The following WSCD1 variants were observed in gnomAD, a reference collection of about 807,000 sequenced individuals.
WSCD1 encodes the protein WSC domain sialate O sulfotransferase 1.
WSCD1 carries 41 observed loss-of-function variants against 60.4 expected under a neutral mutation model. The ratio of observed to expected loss-of-function variants is 0.68; its 90% CI spans 0.53 to 0.88. The LOEUF is 0.88. Among genes scored for constraint, WSCD1 ranks in the 40% least tolerant of loss-of-function variants. The pLI is 0.00. For missense variants in WSCD1, 784 were observed against 796.2 expected (o/e 0.98, Z 0.18); for synonymous variants, 361 against 332.5 (o/e 1.09, Z -0.93).
At position 6,081,090 on chromosome 17, in the gene WSCD1, G is replaced by A. The variant is rs533210160; in HGVS notation, c.427+5G>A. 122 of 1,531,622 alleles carry A rather than the reference G, an allele frequency of 8.0e-5. No individual in the cohort carries two copies. In the East Asian group the frequency reaches 2.0e-3, roughly 26 times the overall value. 94.9% of individuals were successfully genotyped at this position (1,531,622 alleles called of 1,614,324 possible). ...GGCCCGCCATCCACAGCCGAGGTAGGCGCTCAGCTGCATTTGGGGGAGCTG... is the reference window on the plus strand; with the variant it reads ...GGCCCGCCATCCACAGCCGAGGTAGACGCTCAGCTGCATTTGGGGGAGCTG... On this transcript the variant is annotated splice_donor_5th_base_variant and intron_variant, in intron 2 of 8. Coordinates refer to ENST00000317744, the MANE Select transcript of WSCD1 (RefSeq NM_015253.2).
chr17:6,110,509 G>T lies in WSCD1; in HGVS notation c.1010-262G>T, dbSNP rs1296300099. 2.0e-5 allele frequency among the ~76,000 whole-genome samples: 3 copies of T among 152,218 alleles called. No homozygotes were observed. Among genetic ancestry groups the T allele is most frequent in the Non-Finnish European group, 4.4e-5 (3 of 68,034 alleles). ...GGCTGTGGCCATAGAGACAGAATGG[G>T]AGTCGAGGGTCCATAGGGTGTCTGA... is the stretch of plus-strand genomic sequence containing the variant. On this transcript the variant is annotated intron_variant, in intron 6 of 8. Transcript: ENST00000317744. This position sits in a 1 kb window ranked among gnomAD's most constrained non-coding sequence, Gnocchi z 4.8.
Position 6,081,027 on chromosome 17 carries a change from C to T in WSCD1, c.369C>T (p.Asp123=), listed in dbSNP as rs1909230266. The T allele has an allele frequency of 6.5e-6, 10 of 1,543,340 alleles. No individual in the cohort carries two copies. In the East Asian group the frequency reaches 1.7e-4, roughly 26 times the overall value. The stretch of plus-strand genomic sequence containing the variant: ...GCTGGTTCCACCACTTCATGAGTGA[C>T]TCCCAGGGACCGCCCGCCCTGGGCC... ...RRRWFHHFMS[D]SQGPPALGPE... is the part of the protein sequence containing the mutation. The change falls in exon 2 of 9, where the codon GAC becomes GAT. Residue 123 remains aspartate (D), a synonymous_variant. Coordinates refer to ENST00000317744, the MANE Select transcript of WSCD1 (RefSeq NM_015253.2).
At chr17:6,100,076 G>A (rs1233161933) in intron 5 of WSCD1, among the ~76,000 whole-genome samples, 17 of 152,278 alleles carry the variant, frequency 1.1e-4, no homozygotes, top group Admixed American at 1.1e-3. Flanking sequence ...GCTGCAGGTA[G>A]GATGTTCTGG....
At chr17:6,094,955 T>G (rs1910322882) in intron 4 of WSCD1, 147 bp from the exon 5 acceptor site, 1 of 1,231,802 alleles carries the variant, frequency 8.1e-7, no homozygotes, top group South Asian at 1.5e-5. Context: ...CTATGTCCCA[T>G]GCAGGGCCGT....
chr17:6,071,534 C>T (rs1908545084), intron 1 of WSCD1, among the ~76,000 whole-genome samples: 1 of 152,366 alleles, frequency 6.6e-6, no homozygotes, highest in East Asian at 1.9e-4. Context: ...ATGCAGGACT[C>T]CGCTGTACTT....
At position 6,099,930 on chromosome 17, in the gene WSCD1, T is replaced by C. The variant is rs1910698312; in HGVS notation, c.849+4707T>C. 2.0e-5 allele frequency among the ~76,000 whole-genome samples: 3 copies of C among 152,220 alleles called. 1 individual carries two copies. In the South Asian group the frequency reaches 6.2e-4, roughly 32 times the overall value. On this transcript the variant is annotated intron_variant, in intron 5 of 8. Coordinates refer to ENST00000317744, the MANE Select transcript of WSCD1 (RefSeq NM_015253.2). ...CTTAAAATCACCCCACATGTGTCCA[T>C]GTCTAAACCGGCACGAGACCAAGAA... is the stretch of plus-strand genomic sequence containing the variant.
At chr17:6,099,101 T>C (rs1406154928) in intron 5 of WSCD1, among the ~76,000 whole-genome samples, 1 of 151,960 alleles carries the variant, frequency 6.6e-6, no homozygotes, top group African/African-American at 2.4e-5. Flanking sequence ...GGGTACAAAT[T>C]GCAGAGGGCT....
Position 6,123,735 on chromosome 17 carries a change from A to G in WSCD1, c.*3074A>G, listed in dbSNP as rs1000979789. 5.3e-5 allele frequency: 8 copies of G among 152,176 alleles called. No homozygotes were observed. The highest frequency in any genetic ancestry group is 1.4e-4 in the African/African-American group (6 of 41,434). 9.4% of individuals were successfully genotyped at this position (152,176 alleles called of 1,614,324 possible). On this transcript the variant is annotated 3_prime_UTR_variant, in exon 9 of 9. Coordinates refer to ENST00000317744, the MANE Select transcript of WSCD1 (RefSeq NM_015253.2). ...GGGGTTCATTTCACTATAGGGAGAA[A>G]TTGATTCGTCTGACTTCCTATTTAT...
At chr17:6,074,336 T>G (rs1325405629) in intron 1 of WSCD1, among the ~76,000 whole-genome samples, 1 of 152,228 alleles carries the variant, frequency 6.6e-6, no homozygotes, top group Non-Finnish European at 1.5e-5. Flanking sequence ...TCTCTTGCTT[T>G]TTCTCAGTCT....
chr17:6,106,886 C>G (rs11078607), intron 5 of WSCD1, among the ~76,000 whole-genome samples: 100,054 of 151,934 alleles, frequency 0.66, 34,445 homozygotes, highest in East Asian at 0.88. Flanking sequence ...GGGGGAACAG[C>G]AAGTGCAAAG....
intron 7 of WSCD1, among the ~76,000 whole-genome samples, chr17:6,114,541 C>T (rs981993132): frequency 3.3e-5 from 5 of 151,926 alleles, no homozygotes; most frequent in African/African-American, 1.2e-4. Context: ...ATGTTTGAGG[C>T]GATGGATATC....
At chr17:6,094,614 G>A (rs1910280376) in intron 4 of WSCD1, among the ~76,000 whole-genome samples, 2 of 149,458 alleles carry the variant, frequency 1.3e-5, no homozygotes. Context: ...GAAGGAGAAG[G>A]AAGGAAGGAA....
intron 1 of WSCD1, among the ~76,000 whole-genome samples, chr17:6,072,341 A>G (rs911681566): frequency 3.3e-5 from 5 of 152,218 alleles, no homozygotes; most frequent in Non-Finnish European, 5.9e-5. Flanking sequence ...GCACTGGGGA[A>G]TGAGTCACAG....
In WSCD1 at chr17:6,120,385, G is replaced by A; in HGVS notation, c.1452G>A (p.Arg484=). 1 of 1,614,074 alleles carries A rather than the reference G, an allele frequency of 6.2e-7. No individual in the cohort carries two copies. The highest frequency in any genetic ancestry group is 8.5e-7 in the Non-Finnish European group (1 of 1,180,018). Residue 484 remains arginine, a synonymous_variant, in exon 9 of 9, where the codon CGG becomes CGA. Transcript: ENST00000317744. The part of the protein sequence containing the change: ...HVLDWLKYGK[R]LLVVHYEELR... ...TGGACTGGCTCAAGTACGGGAAGCG[G>A]CTGCTGGTGGTGCACTACGAGGAGC... is the stretch of plus-strand genomic sequence containing the variant.
At position 6,120,382 on chromosome 17, in the gene WSCD1, G is replaced by A. The variant is rs774892013; in HGVS notation, c.1449G>A (p.Lys483=). The change falls in exon 9 of 9, where the codon AAG becomes AAA. Residue 483 remains lysine (K), a synonymous_variant. Coordinates refer to ENST00000317744, the MANE Select transcript of WSCD1 (RefSeq NM_015253.2). ...TCCTGGACTGGCTCAAGTACGGGAA[G>A]CGGCTGCTGGTGGTGCACTACGAGG... ...SHVLDWLKYG[K]RLLVVHYEEL... The A allele has an allele frequency of 1.5e-5, 25 of 1,613,934 alleles. No individual in the cohort carries two copies. The Admixed American group carries it at 3.5e-4, about 23-fold the overall frequency.
upstream of WSCD1, chr17:6,069,390 CGTGTGTGTGT>C (rs771018197): frequency 6.6e-5 from 22 of 335,668 alleles, no homozygotes; most frequent in African/African-American, 2.1e-4. Context: ...CACCTCGGTG[CGTGTGTGTGT>C]GTGTGTGTGT....
At chr17:6,085,033 G>C (rs932450991) in intron 2 of WSCD1, 5 of 152,198 alleles carry the variant, frequency 3.3e-5, no homozygotes, top group Non-Finnish European at 1.5e-5. Context: ...CCTGTTTCCA[G>C]AAGAACCAGA....
intron 5 of WSCD1, among the ~76,000 whole-genome samples, chr17:6,099,546 T>A (rs550793701): frequency 1.2e-4 from 18 of 151,504 alleles, no homozygotes; most frequent in Non-Finnish European, 2.4e-4. Flanking sequence ...GCAACTGGGT[T>A]CACTCAATAT....
intron 1 of WSCD1, among the ~76,000 whole-genome samples, chr17:6,077,078 G>C: frequency 6.7e-6 from 1 of 148,216 alleles, no homozygotes; most frequent in East Asian, 2.0e-4. Context: ...GTTCCTGCAA[G>C]TTCCTGATGC....
Sources: gnomAD v4.1 joint callset for allele counts (sites outside exome capture counted in the v4.1 genomes callset) on GRCh38, gnomAD v4.1.1 for gene constraint, Gnocchi (gnomAD v3.1) non-coding constraint, MANE v1.5 for transcripts, NCBI Gene and HGNC (gene_info 2026-07-23, HGNC 2026-07-21) for gene names.